Variants in ADGRL3 observed in about 807,000 individuals in gnomAD.
ADGRL3 encodes the protein adhesion G protein-coupled receptor L3.
ADGRL3 carries 62 observed loss-of-function variants against 153.5 expected under a neutral mutation model. That is an observed-to-expected ratio of 0.40 (90% CI 0.33 to 0.50). The LOEUF (loss-of-function observed/expected upper bound fraction) is 0.50, where lower values mean the gene tolerates loss of function less well. Ranked by LOEUF, ADGRL3 falls within the 20% of genes least tolerant of loss-of-function variation. ADGRL3 has a pLI of 0.47. For missense variants in ADGRL3, 1,641 were observed against 1,859.4 expected (o/e 0.88, Z 2.16); for synonymous variants, 710 against 672.5 (o/e 1.06, Z -0.86).
At chr4:61,667,886 G>C (rs2094854929) in intron 5 of ADGRL3, among the ~76,000 whole-genome samples, 1 of 152,068 alleles carries the variant, frequency 6.6e-6, no homozygotes, top group Non-Finnish European at 1.5e-5. Context: ...CTTTAGCCAT[G>C]CTCCTTGGCA....
At chr4:61,454,217 T>G (rs1324228154) in intron 2 of ADGRL3, among the ~76,000 whole-genome samples, 2 of 152,116 alleles carry the variant, frequency 1.3e-5, no homozygotes, top group African/African-American at 4.8e-5. Context: ...AAACAACTCC[T>G]GTGACTAGGG....
chr4:61,583,451 A>AT (rs1344073298), intron 4 of ADGRL3, among the ~76,000 whole-genome samples: 1 of 152,158 alleles, frequency 6.6e-6, no homozygotes, highest in Non-Finnish European at 1.5e-5. Context: ...AGTGGCTAAA[A>AT]TTTCAGAAAA....
At chr4:61,747,105 T>G (rs1308727616) in intron 8 of ADGRL3, among the ~76,000 whole-genome samples, 2 of 152,204 alleles carry the variant, frequency 1.3e-5, no homozygotes, top group Admixed American at 6.5e-5. Flanking sequence ...CTAGAAAATG[T>G]AGAAGAAATG....
chr4:61,416,957 T>C (rs142058791), intron 2 of ADGRL3, among the ~76,000 whole-genome samples: 4,690 of 152,164 alleles, frequency 0.031, 230 homozygotes, highest in East Asian at 0.21. Flanking sequence ...TGATGGGAGA[T>C]AGTGACAGAT....
intron 1 of ADGRL3, among the ~76,000 whole-genome samples, chr4:61,306,472 C>T (rs1338102010): frequency 6.6e-6 from 1 of 152,066 alleles, no homozygotes; most frequent in Non-Finnish European, 1.5e-5. Context: ...TCTGTGAGGC[C>T]ATGTAGGCAT....
At chr4:61,642,987 T>C (rs2150211265) in intron 5 of ADGRL3, among the ~76,000 whole-genome samples, 1 of 152,370 alleles carries the variant, frequency 6.6e-6, no homozygotes, top group South Asian at 2.1e-4. Context: ...ATAGTTCTCC[T>C]TGAAGAGGTC....
intron 1 of ADGRL3, among the ~76,000 whole-genome samples, chr4:61,307,186 G>A (rs1287744355): frequency 1.3e-5 from 2 of 152,024 alleles, no homozygotes; most frequent in Admixed American, 6.6e-5. Flanking sequence ...CAGTTTTCCC[G>A]ATTACTTTTT....
At position 62,031,496 on chromosome 4, in the gene ADGRL3, C is replaced by T; in HGVS notation, c.3477C>T (p.Ala1159=). The change falls in exon 23 of 27, where the codon GCC becomes GCT. Residue 1159 remains alanine, a synonymous_variant. Coordinates refer to ENST00000683033, the MANE Select transcript of ADGRL3 (RefSeq NM_001387552.1). ...ALLCLLGLTW[A]FGLMYINEST... is the part of the protein sequence containing the mutation. ...TCTGCCTATTAGGATTGACCTGGGC[C>T]TTTGGACTCATGTATATTAATGAAA... The T allele has an allele frequency of 6.2e-7, 1 of 1,610,974 alleles. No individual in the cohort carries two copies. The highest frequency in any genetic ancestry group is 8.5e-7 in the Non-Finnish European group (1 of 1,177,830).
rs115743695 is a variant in ADGRL3, at chr4:61,990,090, G to A, written c.3237-6201G>A. ...CTAAGGTCCATGTTAAAACTTGTAT[G>A]CAAGAGTTTATAGCAGCATTATTTA... is the stretch of plus-strand genomic sequence containing the variant. On this transcript the variant is annotated intron_variant, in intron 19 of 26. Coordinates refer to ENST00000683033, the MANE Select transcript of ADGRL3 (RefSeq NM_001387552.1). Among the ~76,000 whole-genome samples, 1,030 of 152,078 alleles carry A rather than the reference G, an allele frequency of 6.8e-3. 13 individuals carry two copies. Among genetic ancestry groups the A allele is most frequent in the African/African-American group, 0.024 (979 of 41,514 alleles).
intron 2 of ADGRL3, among the ~76,000 whole-genome samples, chr4:61,471,340 T>C (rs1400638539): frequency 1.3e-5 from 2 of 151,872 alleles, no homozygotes; most frequent in Admixed American, 6.6e-5. Flanking sequence ...TAAAATGCAT[T>C]TATTTTTTGA....
chr4:61,355,015 G>A (rs2096135282), intron 1 of ADGRL3, among the ~76,000 whole-genome samples: 1 of 152,004 alleles, frequency 6.6e-6, no homozygotes, highest in Admixed American at 6.6e-5. Flanking sequence ...CCTTTACTGA[G>A]GTCCTTAAAA....
chr4:61,219,722 A>C (rs185024074), intron 1 of ADGRL3, among the ~76,000 whole-genome samples: 8 of 152,240 alleles, frequency 5.3e-5, no homozygotes, highest in Non-Finnish European at 1.2e-4. Context: ...CCTCTAACTC[A>C]TCATTGCTCT....
intron 17 of ADGRL3, among the ~76,000 whole-genome samples, chr4:61,970,354 T>C (rs547636666): frequency 6.6e-6 from 1 of 152,314 alleles, no homozygotes; most frequent in Admixed American, 6.5e-5. Flanking sequence ...CAGACACTCT[T>C]AAATTATTTT....
At chr4:61,603,825 T>C (rs890958669) in intron 5 of ADGRL3, among the ~76,000 whole-genome samples, 1 of 152,046 alleles carries the variant, frequency 6.6e-6, no homozygotes, top group Admixed American at 6.6e-5. Context: ...CTCAGAATCT[T>C]TGAGGTTCCT....
intron 1 of ADGRL3, among the ~76,000 whole-genome samples, chr4:61,356,517 C>A (rs1024242968): frequency 1.3e-5 from 2 of 151,978 alleles, no homozygotes; most frequent in East Asian, 3.8e-4. Flanking sequence ...ATAATACTAA[C>A]TGTAGTTTTT....
chr4:61,737,099 C>T (rs1329671125), intron 8 of ADGRL3, among the ~76,000 whole-genome samples: 2 of 150,842 alleles, frequency 1.3e-5, no homozygotes, highest in Non-Finnish European at 2.9e-5. Context: ...AAGAAATTGC[C>T]TTTAGTGAAT....
intron 9 of ADGRL3, among the ~76,000 whole-genome samples, chr4:61,828,322 C>T (rs1033362847): frequency 2.6e-5 from 4 of 152,014 alleles, no homozygotes; most frequent in African/African-American, 9.7e-5. Context: ...AATGCAAGCA[C>T]ATAAAACCTG....
At chr4:61,955,557 C>T (rs2150396484) in intron 17 of ADGRL3, among the ~76,000 whole-genome samples, 1 of 151,530 alleles carries the variant, frequency 6.6e-6, no homozygotes, top group East Asian at 1.9e-4. Context: ...AAAGAAACAC[C>T]TCTCAATTAT....
At chr4:61,924,829 C>T (rs1199210862) in intron 13 of ADGRL3, among the ~76,000 whole-genome samples, 3 of 152,130 alleles carry the variant, frequency 2.0e-5, no homozygotes, top group Non-Finnish European at 4.4e-5. Flanking sequence ...ATTTGAAAGC[C>T]ATCCCTGATT....
Sources: gnomAD v4.1 joint callset for allele counts (sites outside exome capture counted in the v4.1 genomes callset) on GRCh38, gnomAD v4.1.1 for gene constraint, MANE v1.5 for transcripts, NCBI Gene and HGNC (gene_info 2026-07-23, HGNC 2026-07-21) for gene names.